Variants in SCAP observed in about 807,000 individuals in gnomAD.
SCAP encodes the protein sterol regulatory element-binding protein cleavage-activating protein.
A neutral mutation model predicts 123.6 loss-of-function variants in SCAP; 65 were observed. That is an observed-to-expected ratio of 0.53 (90% confidence interval 0.43 to 0.65). The LOEUF (loss-of-function observed/expected upper bound fraction) is 0.65. Ranked by LOEUF, SCAP falls within the 30% of genes least tolerant of loss-of-function variation. SCAP has a pLI of 0.00. For synonymous variants in SCAP, 740 were observed against 726.3 expected (o/e 1.02, Z -0.30); for missense variants, 1,398 against 1,712.5 (o/e 0.82, Z 3.24).
chr3:47,427,131 A>G, intron 6 of SCAP, 26 bp downstream of exon 6: 1 of 1,545,988 alleles, frequency 6.5e-7, no homozygotes, highest in South Asian at 1.1e-5. Context: ...AGACCAGTCA[A>G]GAGCCCAGGG....
chr3:47,436,387 T>C (rs190327121), intron 2 of SCAP, among the ~76,000 whole-genome samples: 1 of 152,328 alleles, frequency 6.6e-6, no homozygotes, highest in Non-Finnish European at 1.5e-5. Flanking sequence ...ATCCCAACAC[T>C]TTGGGAGAGG....
Position 47,421,122 on chromosome 3 carries a change from C to A in SCAP, c.1246-93G>T, listed in dbSNP as rs1453931787. The stretch of plus-strand genomic sequence containing the variant: ...ACCCGGACTGCAGCCACCTCATAAC[C>A]GGCAGGGCAGCAGCAGGCAGGGCAC... On this transcript the variant is annotated intron_variant, in intron 10 of 22. Transcript: ENST00000265565. 3 of 969,272 alleles carry A rather than the reference C, an allele frequency of 3.1e-6. No individual in the cohort carries two copies. In the South Asian group the frequency reaches 3.9e-5, roughly 13 times the overall value. 60.0% of individuals were successfully genotyped at this position (969,272 alleles called of 1,614,324 possible). A position where few individuals can be genotyped will look rare whatever the true frequency, so the allele number is the denominator to read the frequency against.
intron 2 of SCAP, among the ~76,000 whole-genome samples, chr3:47,438,949 T>C (rs1162513774): frequency 6.6e-6 from 1 of 152,130 alleles, no homozygotes; most frequent in Non-Finnish European, 1.5e-5. Context: ...GCTGTGAAGG[T>C]AGAAGACTAG....
intron 1 of SCAP, among the ~76,000 whole-genome samples, chr3:47,459,374 A>G (rs972456249): frequency 1.3e-5 from 2 of 152,226 alleles, no homozygotes; most frequent in Admixed American, 6.5e-5. Context: ...ATCAAATCCC[A>G]AAATGGGAGA....
chr3:47,414,505 G>A (rs1296721804), intron 21 of SCAP, 67 bp downstream of exon 21: 3 of 1,602,456 alleles, frequency 1.9e-6, no homozygotes, highest in Non-Finnish European at 1.7e-6. Flanking sequence ...CTGGGGACCA[G>A]CTCCCAGGAG....
upstream of SCAP, chr3:47,476,944 T>G (rs1237110883): frequency 6.5e-6 from 1 of 153,520 alleles, no homozygotes; most frequent in African/African-American, 2.4e-5. Context: ...GCTACCTGGA[T>G]AAGGCAGGCC....
Position 47,418,221 on chromosome 3 carries a change from A to G in SCAP, c.2360T>C (p.Met787Thr), listed in dbSNP as rs1260350695. 1.3e-6 allele frequency: 2 copies of G among 1,570,808 alleles called. No homozygotes were observed. Among genetic ancestry groups the G allele is most frequent in the Non-Finnish European group, 1.7e-6 (2 of 1,158,654 alleles). The change falls in exon 16 of 23, where the codon ATG becomes ACG. Residue 787 changes from methionine (M) to threonine (T), a missense_variant. Physicochemically the swap from Met to Thr is moderately conservative, Grantham distance 81. Coordinates refer to ENST00000265565, the MANE Select transcript of SCAP (RefSeq NM_012235.4). ...TGCCAGGCAGCAGCTCACCAGCAGC[A>G]TGCCGTCGCTGGCCAGGCACTCGAT... ...MDIECLASDG[M>T]LLVSCCLAGH...
chr3:47,444,920 C>T (rs993774112), intron 1 of SCAP, among the ~76,000 whole-genome samples: 4 of 151,592 alleles, frequency 2.6e-5, no homozygotes, highest in African/African-American at 4.9e-5. Context: ...TACAGGTGCC[C>T]GCCACCACAC....
intron 3 of SCAP, among the ~76,000 whole-genome samples, chr3:47,429,987 G>A (rs1706293197): frequency 6.6e-6 from 1 of 152,144 alleles, no homozygotes; most frequent in African/African-American, 2.4e-5. Flanking sequence ...CCAAACATAT[G>A]GCCTTGAAAA....
At chr3:47,418,291 C>A (rs1267502487) in intron 15 of SCAP, 30 bp downstream of exon 15, 2 of 1,553,558 alleles carry the variant, frequency 1.3e-6, no homozygotes, top group Admixed American at 1.9e-5. Flanking sequence ...CTCCGGCCCT[C>A]CCCTACCCGG....
intron 16 of SCAP, 40 bp from the exon 17 acceptor site, chr3:47,417,866 A>AGAGGGGGCCCGGGGGC: frequency 2.5e-6 from 1 of 397,736 alleles, no homozygotes; most frequent in African/African-American, 6.5e-5. Flanking sequence ...GGCACGGGGG[A>AGAGGGGGCCCGGGGGC]GGGGGGTGAG....
In SCAP at chr3:47,418,791, C is replaced by T. The variant is rs763656444; in HGVS notation, c.1993G>A (p.Glu665Lys). 1 of 1,559,084 alleles carries T rather than the reference C, an allele frequency of 6.4e-7. No individual in the cohort carries two copies. The highest frequency in any genetic ancestry group is 8.6e-7 in the Non-Finnish European group (1 of 1,157,202). Residue 665 changes from glutamate to lysine, a missense_variant, in exon 14 of 23, where the codon GAG becomes AAG. By Grantham distance (56) the Glu-to-Lys change is moderately conservative. This residue lies in a region of SCAP where 828 missense variants were observed against 882.5 expected (regional missense o/e 0.94). Transcript: ENST00000265565. ...TGAGGGTGCCGGCCCTCCAGAGCCT[C>T]CCTCGGGTTCAGGCGGAGCGTGACT... Reference protein sequence around the residue: ...IPVTLRLNPREALEGRHPQDG... With the variant: ...IPVTLRLNPRKALEGRHPQDG...
At chr3:47,417,260 C>G (rs2306628) in intron 17 of SCAP, 44 bp downstream of exon 17, 68 of 1,612,058 alleles carry the variant, frequency 4.2e-5, no homozygotes, top group Non-Finnish European at 5.6e-5. Context: ...CCACAATCCC[C>G]GGGGCGGACA....
In SCAP at chr3:47,443,302, TCTCTC is replaced by T. The variant is rs1413700910; in HGVS notation, c.-98-216_-98-212del. ...CTCTCTCTCTCTCTCTCTCTCTCTCTCTCTCTCTCCCTCCCCGCCCAACTCCCTCC... is the reference window on the plus strand; with the variant it reads ...CTCTCTCTCTCTCTCTCTCTCTCTCTTCTCCCTCCCCGCCCAACTCCCTCC... On this transcript the variant is annotated intron_variant, in intron 1 of 22. Coordinates refer to ENST00000265565, the MANE Select transcript of SCAP (RefSeq NM_012235.4). 6.0e-4 allele frequency: 124 copies of T among 208,072 alleles called. 1 individual carries two copies. Among genetic ancestry groups the T allele is most frequent in the Admixed American group, 8.8e-4 (17 of 19,284 alleles). 12.9% of individuals were successfully genotyped at this position (208,072 alleles called of 1,614,324 possible). A position where few individuals can be genotyped will look rare whatever the true frequency, so the allele number is the denominator to read the frequency against.
intron 1 of SCAP, among the ~76,000 whole-genome samples, chr3:47,460,773 GTCTTGAACTCCTGACC>G (rs1422914110): frequency 6.6e-6 from 1 of 152,092 alleles, no homozygotes; most frequent in African/African-American, 2.4e-5. Context: ...GGCCAGGCTG[GTCTTGAACTCCTGACC>G]TCGTGATCCA....
chr3:47,444,532 G>A (rs1462484038), intron 1 of SCAP, among the ~76,000 whole-genome samples: 1 of 151,948 alleles, frequency 6.6e-6, no homozygotes, highest in Non-Finnish European at 1.5e-5. Context: ...GGAGTGCAGT[G>A]GGCACTCTCT....
Position 47,417,293 on chromosome 3 carries a change from C to T in SCAP, c.2970+11G>A, listed in dbSNP as rs1705628770. The T allele has an allele frequency of 6.2e-7, 1 of 1,612,042 alleles. No individual in the cohort carries two copies. The highest frequency in any genetic ancestry group is 8.5e-7 in the Non-Finnish European group (1 of 1,179,652). ...ACAGCCGCTCTGCCCACCTTTAGCCCCTCTGCCCACCTCCAGCCGGCCGCT... is the reference window on the plus strand; with the variant it reads ...ACAGCCGCTCTGCCCACCTTTAGCCTCTCTGCCCACCTCCAGCCGGCCGCT... On this transcript the variant is annotated intron_variant, in intron 17 of 22. Transcript: ENST00000265565.
In SCAP at chr3:47,460,524, A is replaced by G. The variant is rs145790569; in HGVS notation, c.-99+15275T>C. 3.5e-4 allele frequency among the ~76,000 whole-genome samples: 54 copies of G among 152,254 alleles called. No individual in the cohort carries two copies. The East Asian group carries it at 0.01, about 29-fold the overall frequency. On this transcript the variant is annotated intron_variant, in intron 1 of 22. Transcript: ENST00000265565. ...CCGTTCGGGGTCCCTGACTTCCCACAACACTTCAAGAACTGTTTTTTGGTT... is the reference window on the plus strand; with the variant it reads ...CCGTTCGGGGTCCCTGACTTCCCACGACACTTCAAGAACTGTTTTTTGGTT...
At chr3:47,473,080 C>CAAAAAAAAAAAAAAAAAAAAACAAAA (rs34472664) in intron 1 of SCAP, among the ~76,000 whole-genome samples, 1 of 38,054 alleles carries the variant, frequency 2.6e-5, no homozygotes, top group Non-Finnish European at 4.3e-5. Context: ...AACTCCATCT[C>CAAAAAAAAAAAAAAAAAAAAACAAAA]AAAAAAAAAA....
Sources: gnomAD v4.1 joint callset for allele counts (sites outside exome capture counted in the v4.1 genomes callset) on GRCh38, gnomAD v4.1.1 for gene constraint, gnomAD v4.1.1 regional missense constraint, MANE v1.5 for transcripts, NCBI Gene and HGNC (gene_info 2026-07-23, HGNC 2026-07-21) for gene names.